Variants in MARF1 observed in about 807,000 individuals in gnomAD.
The protein encoded by MARF1 is limkain-b1.
Under a neutral mutation model 168.2 loss-of-function variants are expected in MARF1, and 24 were observed. The observed-to-expected ratio is 0.14, with a 90% CI of 0.10 to 0.20. The LOEUF (loss-of-function observed/expected upper bound fraction) is 0.20. Among genes scored for constraint, MARF1 ranks in the 10% least tolerant of loss-of-function variants. MARF1 has a pLI of 1.00. For missense variants in MARF1, 1,744 were observed against 2,143.6 expected (o/e 0.81, Z 3.68); for synonymous variants, 868 against 822.4 (o/e 1.06, Z -0.95).
Position 15,635,392 on chromosome 16 carries a change from G to A in MARF1, c.831+264C>T, listed in dbSNP as rs2035517835. 2.2e-5 allele frequency: 11 copies of A among 489,432 alleles called. No individual in the cohort carries two copies. The South Asian group carries it at 3.4e-4, about 15-fold the overall frequency. 30.3% of individuals were successfully genotyped at this position (489,432 alleles called of 1,614,324 possible). A position where few individuals can be genotyped will look rare whatever the true frequency, so the allele number is the denominator to read the frequency against. On this transcript the variant is annotated intron_variant, in intron 3 of 26. Coordinates refer to ENST00000396368, the MANE Select transcript of MARF1 (RefSeq NM_014647.4). ...GCTTTAGCCTTTAAACATAGAACAC[G>A]AAGGCTTTGCCAACCTCTTGTTTGC...
At chr16:15,628,034 AAAAAC>A (rs1282826012) in intron 7 of MARF1, among the ~76,000 whole-genome samples, 1 of 152,236 alleles carries the variant, frequency 6.6e-6, no homozygotes, top group East Asian at 1.9e-4. Context: ...GGAAATGGTA[AAAAAC>A]AAAACAAAAC....
chr16:15,625,559 A>G lies in MARF1; in HGVS notation c.1766T>C (p.Leu589Pro). 6.2e-7 allele frequency: 1 copy of G among 1,614,146 alleles called. No homozygotes were observed. The highest frequency in any genetic ancestry group is 1.3e-5 in the African/African-American group (1 of 75,046). The change falls in exon 8 of 27, where the codon CTC becomes CCC. Residue 589 changes from leucine to proline, a missense_variant. Physicochemically the swap from Leu to Pro is moderately conservative, Grantham distance 98 (BLOSUM62 -3). This residue lies in a region of MARF1 where 270 missense variants were observed against 260.6 expected (regional missense o/e 1.04). Coordinates refer to ENST00000396368, the MANE Select transcript of MARF1 (RefSeq NM_014647.4). ...TGCATTTGAACTCTTTGTTTCACAG[A>G]GTTCTCTATTTTTTGGAGTAAATGA... ...IVSFTPKNRE[L>P]CETKSSNAIA...
intron 22 of MARF1, chr16:15,602,429 AGAC>A (rs548090990): frequency 3.1e-5 from 19 of 607,276 alleles, no homozygotes; most frequent in South Asian, 2.4e-4. Context: ...ATGAAGACAA[AGAC>A]GACGAGACAA....
Position 15,621,878 on chromosome 16 carries a change from A to C in MARF1, c.2494T>G (p.Tyr832Asp). 6.2e-7 allele frequency: 1 copy of C among 1,614,122 alleles called. No homozygotes were observed. The highest frequency in any genetic ancestry group is 1.1e-5 in the South Asian group (1 of 91,088). ...ATTTGCACAACAGCCTTGAGTTGATAATCTGTATGGGGGCTGAGCTCAACA... is the reference window on the plus strand; with the variant it reads ...ATTTGCACAACAGCCTTGAGTTGATCATCTGTATGGGGGCTGAGCTCAACA... ...KSVELSPHTDYQLKAVVQMEN... is the reference protein window; with the variant it reads ...KSVELSPHTDDQLKAVVQMEN... The change falls in exon 12 of 27, where the codon TAT (tyrosine) becomes GAT (aspartate). Residue 832 changes from tyrosine to aspartate, a missense_variant. Tyr to Asp is a radical substitution (Grantham distance 160). This residue lies in a region of MARF1 where 543 missense variants were observed against 742.1 expected (regional missense o/e 0.73). Transcript: ENST00000396368.
At position 15,623,207 on chromosome 16, in the gene MARF1, A is replaced by G. The variant is rs149790745; in HGVS notation, c.2271-84T>C. ...TATCATTTAGGCTTTGTTTGAAACT[A>G]TATACAGAAGCAGATTTTCCACAAC... On this transcript the variant is annotated intron_variant, in intron 10 of 26. Transcript: ENST00000396368. The G allele has an allele frequency of 3.5e-4, 374 of 1,056,820 alleles. 1 individual carries two copies. The African/African-American group carries it at 5.5e-3, about 16-fold the overall frequency. The allele number at this position is 1,056,820 out of a possible 1,614,324, so 65.5% of individuals were successfully genotyped here.
chr16:15,597,033 A>G, intron 26 of MARF1, 96 bp from the exon 27 acceptor site: 1 of 1,359,830 alleles, frequency 7.4e-7, no homozygotes, highest in East Asian at 2.4e-5. Flanking sequence ...AGATAATAAT[A>G]GTAATAAAAA....
intron 13 of MARF1, among the ~76,000 whole-genome samples, chr16:15,619,645 T>C (rs1464940324): frequency 6.6e-6 from 1 of 152,170 alleles, no homozygotes; most frequent in Non-Finnish European, 1.5e-5. Context: ...TCACTGTCCA[T>C]AAGGATTCAC....
chr16:15,617,565 T>C, intron 13 of MARF1, 30 bp from the exon 14 acceptor site: 2 of 1,488,902 alleles, frequency 1.3e-6, no homozygotes, highest in Non-Finnish European at 9.2e-7. Context: ...GACGCTGACT[T>C]AGAAGGTTTT....
At chr16:15,621,385 T>C (rs1231088814) in intron 12 of MARF1, 1 of 255,866 alleles carries the variant, frequency 3.9e-6, no homozygotes, top group East Asian at 9.7e-5. Flanking sequence ...ATCTAGTCTT[T>C]ACACACAAAT....
At chr16:15,632,433 A>C (rs1433956523) in intron 5 of MARF1, among the ~76,000 whole-genome samples, 1 of 152,164 alleles carries the variant, frequency 6.6e-6, no homozygotes, top group Admixed American at 6.5e-5. Flanking sequence ...CGTCCCTACT[A>C]ATAAGCAGAA....
At chr16:15,642,108 C>A (rs558063037) in intron 1 of MARF1, among the ~76,000 whole-genome samples, 6 of 152,272 alleles carry the variant, frequency 3.9e-5, no homozygotes, top group African/African-American at 1.4e-4. Flanking sequence ...CCTTACAAGG[C>A]CGTTGTTTGG....
Position 15,608,432 on chromosome 16 carries a change from A to G in MARF1, c.4041T>C (p.Leu1347=). Residue 1347 remains leucine, a synonymous_variant, in exon 21 of 27, where the codon CTT becomes CTC. Transcript: ENST00000396368. ...TAAGGCAGTTATCTTTTTGGGACCG[A>G]AGGAGTTTAACAAACTGGGCAGCTA... is the stretch of plus-strand genomic sequence containing the variant. The part of the protein sequence containing the change: ...KALAAQFVKL[L]RSQKDNCLMM... 1 of 1,614,198 alleles carries G rather than the reference A, an allele frequency of 6.2e-7. No homozygotes were observed. The highest frequency in any genetic ancestry group is 8.5e-7 in the Non-Finnish European group (1 of 1,180,020).
rs542668257 is a variant in MARF1, at chr16:15,639,423, G to A, written c.-58-132C>T. 4.5e-5 allele frequency: 29 copies of A among 647,930 alleles called. No individual in the cohort carries two copies. The East Asian group carries it at 8.2e-4, about 18-fold the overall frequency. The allele number at this position is 647,930 out of a possible 1,614,324, so 40.1% of individuals were successfully genotyped here. Reference sequence around the variant, plus strand: ...AACAATTCAAATCTTTGTTTCAAGAGGAAGTCTCGCTCTGTCGCCCAGGCT... The same window carrying A: ...AACAATTCAAATCTTTGTTTCAAGAAGAAGTCTCGCTCTGTCGCCCAGGCT... On this transcript the variant is annotated intron_variant, in intron 1 of 26. Transcript: ENST00000396368.
chr16:15,626,293 G>T (rs1230205405), intron 7 of MARF1, among the ~76,000 whole-genome samples: 2 of 152,122 alleles, frequency 1.3e-5, no homozygotes, highest in East Asian at 1.9e-4. Context: ...ATTTACTGAG[G>T]TGACAAAAAT....
intron 23 of MARF1, chr16:15,601,202 A>G (rs2071331): frequency 0.7 from 278,665 of 399,482 alleles, 98,696 homozygotes; most frequent in African/African-American, 0.9. Context: ...ACATGTGCAC[A>G]CCGTCGCCAG....
chr16:15,611,786 T>G, intron 17 of MARF1, 52 bp from the exon 18 acceptor site: 2 of 1,523,098 alleles, frequency 1.3e-6, no homozygotes, highest in African/African-American at 1.4e-5. Flanking sequence ...AGACAGCGAC[T>G]TCCTTGCTGC....
chr16:15,612,886 C>T, intron 16 of MARF1, 109 bp from the exon 17 acceptor site: 1 of 836,206 alleles, frequency 1.2e-6, no homozygotes, highest in Non-Finnish European at 2.0e-6. Context: ...GGGAAGCAAA[C>T]AAAACCAAAT....
At chr16:15,620,219 A>G (rs779124744) in intron 13 of MARF1, among the ~76,000 whole-genome samples, 2 of 152,178 alleles carry the variant, frequency 1.3e-5, no homozygotes, top group Non-Finnish European at 2.9e-5. Context: ...AAGCTAGTCA[A>G]TTAGGGGAAA....
In MARF1 at chr16:15,624,778, C is replaced by G. The variant is rs1368298496; in HGVS notation, c.2261G>C (p.Trp754Ser). The G allele has an allele frequency of 1.2e-6, 2 of 1,613,826 alleles. No homozygotes were observed. Among genetic ancestry groups the G allele is most frequent in the African/African-American group, 1.3e-5 (1 of 74,894 alleles). ...AAGAAGCTGGACTCACCTAGAAGAC[C>G]AAGACTGAGATGCGAGCAGAGGACT... ...QVSPLLASQSWSSRSMSPNLL... is the reference protein window; with the variant it reads ...QVSPLLASQSSSSRSMSPNLL... The change falls in exon 10 of 27, where the codon TGG becomes TCG. Residue 754 changes from tryptophan to serine, a missense_variant. Trp to Ser is a radical substitution (Grantham distance 177, BLOSUM62 -3). This residue lies in a region of MARF1 where 270 missense variants were observed against 260.6 expected (regional missense o/e 1.04). Transcript: ENST00000396368.
Sources: gnomAD v4.1 joint callset for allele counts (sites outside exome capture counted in the v4.1 genomes callset) on GRCh38, gnomAD v4.1.1 for gene constraint, gnomAD v4.1.1 regional missense constraint, MANE v1.5 for transcripts, NCBI Gene and HGNC (gene_info 2026-07-23, HGNC 2026-07-21) for gene names.